Variants in ZC3H13 observed in about 807,000 individuals in gnomAD.
ZC3H13 encodes zinc finger CCCH domain-containing protein 13.
A neutral mutation model predicts 204.1 loss-of-function variants in ZC3H13; 64 were observed. The ratio of observed to expected loss-of-function variants is 0.31; its 90% confidence interval spans 0.26 to 0.39. ZC3H13 has a LOEUF of 0.39. Among genes scored for constraint, ZC3H13 ranks in the 10% least tolerant of loss-of-function variants. The pLI, the probability that ZC3H13 is intolerant of heterozygous loss-of-function variation, is 1.00. For synonymous variants in ZC3H13, 667 were observed against 693.7 expected, an observed-to-expected ratio of 0.96 and a Z score of 0.60; for missense variants, 1,833 against 2,082.7, an observed-to-expected ratio of 0.88 and a Z score of 2.33.
At chr13:46,008,080 G>C (rs1391336982) in intron 7 of ZC3H13, among the ~76,000 whole-genome samples, 2 of 151,948 alleles carry the variant, frequency 1.3e-5, no homozygotes. Context: ...TAATTTGTCA[G>C]TAATTATATC....
chr13:45,979,696 C>A, intron 11 of ZC3H13, 117 bp downstream of exon 11: 2 of 1,019,668 alleles, frequency 2.0e-6, no homozygotes, highest in Admixed American at 2.9e-5. Flanking sequence ...TCAAATGTGT[C>A]ATCGAGCACA....
At chr13:46,025,368 G>A (rs760063486) in intron 4 of ZC3H13, among the ~76,000 whole-genome samples, 19 of 152,104 alleles carry the variant, frequency 1.2e-4, no homozygotes, top group Non-Finnish European at 2.6e-4. Flanking sequence ...GAGCAGTGAC[G>A]CAATCATAGC....
chr13:46,045,857 T>C lies in ZC3H13; in HGVS notation c.-9-341A>G, dbSNP rs989066271. 3.3e-5 allele frequency among the ~76,000 whole-genome samples: 5 copies of C among 152,324 alleles called. No individual in the cohort carries two copies. The South Asian group carries it at 1.0e-3, about 32-fold the overall frequency. ...GTACAAAATGTTTACTTTATAAAAG[T>C]TACTTACAAAAATTGCTTCAAAATT... On this transcript the variant is annotated intron_variant, in intron 1 of 18. Transcript: ENST00000679008.
chr13:46,039,631 A>C (rs764757435), intron 4 of ZC3H13, among the ~76,000 whole-genome samples: 1 of 152,194 alleles, frequency 6.6e-6, no homozygotes, highest in Non-Finnish European at 1.5e-5. Flanking sequence ...CTGACTCATA[A>C]GAGCTGATTT....
intron 4 of ZC3H13, among the ~76,000 whole-genome samples, chr13:46,027,229 C>T (rs1472874271): frequency 6.6e-6 from 1 of 152,116 alleles, no homozygotes; most frequent in African/African-American, 2.4e-5. Context: ...CTCAGCCTCC[C>T]GGGTAGCTGG....
At chr13:46,008,516 ATG>A (rs1275421691) in intron 7 of ZC3H13, among the ~76,000 whole-genome samples, 1 of 152,102 alleles carries the variant, frequency 6.6e-6, no homozygotes, top group Non-Finnish European at 1.5e-5. Flanking sequence ...TTATAATAGG[ATG>A]TGTTACTAAT....
intron 9 of ZC3H13, among the ~76,000 whole-genome samples, chr13:45,987,362 T>C (rs186252947): frequency 1.6e-4 from 24 of 152,326 alleles, no homozygotes; most frequent in African/African-American, 5.5e-4. Context: ...TGTTTAATAA[T>C]GTTAATGGAG....
intron 8 of ZC3H13, chr13:46,001,440 C>T (rs1482816140): frequency 6.6e-6 from 1 of 152,028 alleles, no homozygotes; most frequent in African/African-American, 2.4e-5. Flanking sequence ...TCCAGTATTC[C>T]TAGCTCTGTT....
At chr13:46,020,385 C>T in intron 5 of ZC3H13, 64 bp downstream of exon 5, 1 of 1,230,064 alleles carries the variant, frequency 8.1e-7, no homozygotes, top group Non-Finnish European at 1.2e-6. Flanking sequence ...TTCTGAAGCC[C>T]ACGAAAACTC....
intron 4 of ZC3H13, 37 bp from the exon 5 acceptor site, chr13:46,020,594 T>C: frequency 7.3e-7 from 1 of 1,378,660 alleles, no homozygotes. Context: ...ATTACTATAT[T>C]TTTAAAAATT....
chr13:45,994,996 T>A (rs1363304408), intron 8 of ZC3H13, among the ~76,000 whole-genome samples: 1 of 136,278 alleles, frequency 7.3e-6, no homozygotes, highest in African/African-American at 2.8e-5. Flanking sequence ...CTTCTTACGG[T>A]CATTTAACTA....
At chr13:46,034,528 G>A (rs1057120765) in intron 4 of ZC3H13, among the ~76,000 whole-genome samples, 1 of 152,112 alleles carries the variant, frequency 6.6e-6, no homozygotes, top group African/African-American at 2.4e-5. Context: ...ATCAAGACAC[G>A]ATAATATATA....
chr13:46,015,116 T>C (rs1338160876), intron 5 of ZC3H13, among the ~76,000 whole-genome samples: 2 of 152,146 alleles, frequency 1.3e-5, no homozygotes, highest in Non-Finnish European at 2.9e-5. Context: ...CTATTTCTAA[T>C]AACACCAAAC....
intron 16 of ZC3H13, among the ~76,000 whole-genome samples, chr13:45,964,476 C>A (rs2137811954): frequency 6.6e-6 from 1 of 152,242 alleles, no homozygotes; most frequent in South Asian, 2.1e-4. Flanking sequence ...CTTTAAGAGT[C>A]AGAGAGTGAC....
At chr13:45,979,671 G>A (rs1953376881) in intron 11 of ZC3H13, 142 bp downstream of exon 11, 1 of 763,812 alleles carries the variant, frequency 1.3e-6, no homozygotes, top group Non-Finnish European at 2.0e-6. Context: ...GATTATATGA[G>A]TATATATAAT....
At chr13:46,003,116 T>C (rs2040867215) in intron 8 of ZC3H13, 23 bp downstream of exon 8, 1 of 1,599,548 alleles carries the variant, frequency 6.3e-7, no homozygotes, top group African/African-American at 1.4e-5. Flanking sequence ...TTAATATTGT[T>C]AAAAACATAC....
At chr13:46,048,580 C>CA (rs56753264) in intron 1 of ZC3H13, among the ~76,000 whole-genome samples, 24,903 of 38,886 alleles carry the variant, frequency 0.64, 8,709 homozygotes, top group East Asian at 0.71. Flanking sequence ...GACTCCGCCT[C>CA]AAAAAAAAAA....
chr13:45,988,852 T>A lies in ZC3H13; in HGVS notation c.1190A>T (p.Glu397Val). The change falls in exon 9 of 19, where the codon GAG becomes GTG. Residue 397 changes from glutamate to valine, a missense_variant. By Grantham distance (121) the Glu-to-Val change is moderately radical. Around this residue, in one of 5 missense-constraint regions of ZC3H13, gnomAD observed 1,574 missense variants for 1,757.2 expected, o/e 0.90. Transcript: ENST00000679008. The part of the protein sequence containing the change: ...SPPRHRSPMR[E>V]KGRHDHERTS... ...TCGTTCATGATCATGTCTCCCTTTC[T>A]CTCGCATTGGAGAGCGATGTCTTGG... is the stretch of plus-strand genomic sequence containing the variant. The A allele has an allele frequency of 6.2e-7, 1 of 1,614,208 alleles. No homozygotes were observed. The highest frequency in any genetic ancestry group is 8.5e-7 in the Non-Finnish European group (1 of 1,180,046).
chr13:46,037,462 G>C (rs940559509), intron 4 of ZC3H13, among the ~76,000 whole-genome samples: 12 of 152,158 alleles, frequency 7.9e-5, no homozygotes, highest in Non-Finnish European at 1.3e-4. Context: ...ATAAATGCTT[G>C]AATATTCTTC....
Sources: allele counts gnomAD v4.1 joint callset (sites outside exome capture counted in the v4.1 genomes callset), GRCh38; gene constraint gnomAD v4.1.1; regional missense constraint gnomAD v4.1.1; transcripts MANE v1.5; gene names NCBI Gene and HGNC (gene_info 2026-07-23, HGNC 2026-07-21).